NUP153: variants seen among roughly 807,000 people sequenced by gnomAD.
NUP153 encodes the protein nuclear pore complex protein Nup153.
Under a neutral mutation model 134.6 loss-of-function variants are expected in NUP153, and 27 were observed. The observed-to-expected ratio is 0.20, with a 90% confidence interval of 0.15 to 0.28. The LOEUF (loss-of-function observed/expected upper bound fraction) is 0.28, where lower values mean the gene tolerates loss of function less well. NUP153 is among the 10% of genes least tolerant of loss of function. NUP153 has a pLI of 1.00. For synonymous variants in NUP153, 640 were observed against 623.5 expected (o/e 1.03, Z -0.40); for missense variants, 1,821 against 1,731.3 (o/e 1.05, Z -0.92).
At chr6:17,669,889 G>A (rs1314525068) in intron 5 of NUP153, among the ~76,000 whole-genome samples, 2 of 151,960 alleles carry the variant, frequency 1.3e-5, no homozygotes, top group Non-Finnish European at 2.9e-5. Context: ...GAGCTCAGGA[G>A]TTCAAGACCA....
intron 9 of NUP153, among the ~76,000 whole-genome samples, chr6:17,664,297 A>G (rs898450408): frequency 1.3e-5 from 2 of 152,184 alleles, no homozygotes; most frequent in African/African-American, 4.8e-5. Context: ...CAACTCACAG[A>G]CACCACTTTA....
chr6:17,681,181 A>G lies in NUP153; in HGVS notation c.335-5411T>C, dbSNP rs138680206. Among the ~76,000 whole-genome samples the G allele has an allele frequency of 5.8e-3, 885 of 152,088 alleles. 6 individuals are homozygous for G. The highest frequency in any genetic ancestry group is 0.043 in the South Asian group (208 of 4,820). ...GAAATACACCAGGCACAAAAAGACA[A>G]CTATCACATGTTCTCAAATGTGACA... On this transcript the variant is annotated intron_variant, in intron 2 of 21. Transcript: ENST00000262077.
chr6:17,655,458 CT>C (rs112496979), intron 11 of NUP153, among the ~76,000 whole-genome samples: 5,086 of 147,044 alleles, frequency 0.035, 121 homozygotes, highest in African/African-American at 0.062. Context: ...CTTATTATTA[CT>C]TTTTTTTTTT....
intron 8 of NUP153, among the ~76,000 whole-genome samples, chr6:17,667,453 G>T (rs566633959): frequency 6.6e-6 from 1 of 152,160 alleles, no homozygotes; most frequent in African/African-American, 2.4e-5. Context: ...GGTGGCTCAC[G>T]CCTGTAATCC....
intron 2 of NUP153, among the ~76,000 whole-genome samples, chr6:17,687,605 A>G (rs2113849410): frequency 6.6e-6 from 1 of 152,334 alleles, no homozygotes; most frequent in Non-Finnish European, 1.5e-5. Flanking sequence ...ATTTTTTACT[A>G]TGGACAAATC....
intron 1 of NUP153, among the ~76,000 whole-genome samples, chr6:17,694,181 G>A (rs1163854715): frequency 6.6e-6 from 1 of 152,118 alleles, no homozygotes; most frequent in African/African-American, 2.4e-5. Context: ...GTTCACTGCT[G>A]TATCCTCTGT....
intron 11 of NUP153, among the ~76,000 whole-genome samples, chr6:17,658,286 C>T (rs750024245): frequency 1.3e-5 from 2 of 152,160 alleles, no homozygotes; most frequent in Non-Finnish European, 2.9e-5. Context: ...ATCACAGTTA[C>T]TCGGGAGGCT....
intron 14 of NUP153, among the ~76,000 whole-genome samples, chr6:17,644,059 A>C (rs1395760239): frequency 6.6e-6 from 1 of 152,218 alleles, no homozygotes; most frequent in Non-Finnish European, 1.5e-5. Context: ...ATTAAAAAAA[A>C]AAGATAAGGT....
intron 11 of NUP153, among the ~76,000 whole-genome samples, chr6:17,661,263 G>A (rs1389113797): frequency 2.0e-5 from 3 of 152,102 alleles, no homozygotes; most frequent in African/African-American, 2.4e-5. Flanking sequence ...GCACTGAGCC[G>A]AGACTGCGCC....
rs532297753 is a variant in NUP153, at chr6:17,677,380, T to C, written c.335-1610A>G. On this transcript the variant is annotated intron_variant, in intron 2 of 21. Transcript: ENST00000262077. ...ATGCCAATATAGTAAAAACTCAATG[T>C]ATAGAAAAAAGAAAACTGTGATCCA... Among the ~76,000 whole-genome samples the C allele has an allele frequency of 4.6e-5, 7 of 151,374 alleles. 1 individual carries two copies. In the South Asian group the frequency reaches 1.5e-3, roughly 32 times the overall value.
chr6:17,616,290 G>GGCCC, intron 21 of NUP153, 109 bp from the exon 22 acceptor site: 5 of 473,872 alleles, frequency 1.1e-5, no homozygotes, highest in East Asian at 4.5e-5. Context: ...GGTGGGGGGG[G>GGCCC]AGTAGACTCA....
chr6:17,649,338 C>G (rs762456656), intron 11 of NUP153, 38 bp from the exon 12 acceptor site: 1 of 1,579,548 alleles, frequency 6.3e-7, no homozygotes, highest in Non-Finnish European at 8.6e-7. Flanking sequence ...TTTCATCTTT[C>G]ACATCATTCT....
chr6:17,648,140 C>T (rs1297237074), intron 12 of NUP153, among the ~76,000 whole-genome samples: 4 of 152,104 alleles, frequency 2.6e-5, no homozygotes, highest in Admixed American at 2.6e-4. Context: ...AGTAAAGTAA[C>T]ATCTATAAGA....
intron 16 of NUP153, among the ~76,000 whole-genome samples, chr6:17,634,988 AAAAT>A (rs1351146074): frequency 1.3e-5 from 2 of 152,196 alleles, no homozygotes; most frequent in Non-Finnish European, 2.9e-5. Flanking sequence ...ATAAAAAAAA[AAAAT>A]AAATCGCAAA....
intron 16 of NUP153, among the ~76,000 whole-genome samples, chr6:17,635,754 T>C (rs917809250): frequency 3.3e-5 from 5 of 152,226 alleles, no homozygotes; most frequent in African/African-American, 1.2e-4. Context: ...TCCAAATTTT[T>C]TTGTTTTCAA....
At chr6:17,616,211 C>A in intron 21 of NUP153, 30 bp from the exon 22 acceptor site, 3 of 1,404,766 alleles carry the variant, frequency 2.1e-6, no homozygotes, top group Non-Finnish European at 2.9e-6. Flanking sequence ...CATAATGTGA[C>A]ATGATGCTCT....
chr6:17,694,908 C>T lies in NUP153; in HGVS notation c.112-6290G>A, dbSNP rs147829891. On this transcript the variant is annotated intron_variant, in intron 1 of 21. Transcript: ENST00000262077. ...GTAGGAGAATCGCTTGAACCCAGGA[C>T]GCAGAGGTTGCAGTGAGCAGAGTTC... Among the ~76,000 whole-genome samples, 351 of 150,156 alleles carry T rather than the reference C, an allele frequency of 2.3e-3. 1 individual carries two copies. Among genetic ancestry groups the T allele is most frequent in the African/African-American group, 8.0e-3 (327 of 40,784 alleles).
chr6:17,691,796 A>G (rs1769291003), intron 1 of NUP153, among the ~76,000 whole-genome samples: 1 of 151,954 alleles, frequency 6.6e-6, no homozygotes, highest in Non-Finnish European at 1.5e-5. Flanking sequence ...TATAGGTGAC[A>G]GGCTAGCTAA....
At chr6:17,696,503 C>A (rs1023144098) in intron 1 of NUP153, among the ~76,000 whole-genome samples, 1 of 152,150 alleles carries the variant, frequency 6.6e-6, no homozygotes, top group Non-Finnish European at 1.5e-5. Context: ...CGCCTGTAAT[C>A]CCAGTACTTT....
Sources: allele counts gnomAD v4.1 joint callset (sites outside exome capture counted in the v4.1 genomes callset), GRCh38; gene constraint gnomAD v4.1.1; transcripts MANE v1.5; gene names NCBI Gene and HGNC (gene_info 2026-07-23, HGNC 2026-07-21).